The following KIF26B variants were observed in gnomAD, a reference collection of about 807,000 sequenced individuals.
KIF26B encodes kinesin family member 26B.
A neutral mutation model predicts 151.2 loss-of-function variants in KIF26B; 63 were observed. The ratio of observed to expected loss-of-function variants is 0.42; its 90% CI spans 0.34 to 0.51. KIF26B has a LOEUF of 0.51. KIF26B is among the 20% of genes least tolerant of loss of function. KIF26B has a pLI of 0.07. For missense variants in KIF26B, 2,813 were observed against 2,913.6 expected, an observed-to-expected ratio of 0.97 and a Z score of 0.79; for synonymous variants, 1,357 against 1,262.1, an observed-to-expected ratio of 1.08 and a Z score of -1.59.
intron 9 of KIF26B, among the ~76,000 whole-genome samples, chr1:245,613,218 A>T (rs1224331051): frequency 6.6e-6 from 1 of 152,204 alleles, no homozygotes; most frequent in Non-Finnish European, 1.5e-5. Context: ...AAACTGAGTT[A>T]AGAGTCTAAC....
chr1:245,707,230 G>A lies in KIF26B; in HGVS notation c.*4624G>A, dbSNP rs186977750. On this transcript the variant is annotated 3_prime_UTR_variant, in exon 15 of 15. Transcript: ENST00000407071. ...CAGCAATGTCATAACACTGGACACAGTGCGGCTTGGGGCAGTATCAAGCCT... is the reference window on the plus strand; with the variant it reads ...CAGCAATGTCATAACACTGGACACAATGCGGCTTGGGGCAGTATCAAGCCT... 2.2e-4 allele frequency: 34 copies of A among 152,328 alleles called. No individual in the cohort carries two copies. Among genetic ancestry groups the A allele is most frequent in the African/African-American group, 8.2e-4 (34 of 41,574 alleles). The allele number at this position is 152,328 out of a possible 1,614,324, so 9.4% of individuals were successfully genotyped here. A position where few individuals can be genotyped will look rare whatever the true frequency, so the allele number is the denominator to read the frequency against.
intron 10 of KIF26B, among the ~76,000 whole-genome samples, chr1:245,652,240 T>C (rs2044027709): frequency 6.6e-6 from 1 of 152,026 alleles, no homozygotes; most frequent in Non-Finnish European, 1.5e-5. Context: ...TTTAGAACTA[T>C]TTGCACAAAC....
At chr1:245,331,875 C>G (rs1420611782) in intron 2 of KIF26B, among the ~76,000 whole-genome samples, 1 of 151,686 alleles carries the variant, frequency 6.6e-6, no homozygotes, top group Non-Finnish European at 1.5e-5. Flanking sequence ...GCCTGTAATC[C>G]CAGCACTTTG....
chr1:245,618,888 T>C (rs1771516), intron 9 of KIF26B, among the ~76,000 whole-genome samples: 27 of 130,306 alleles, frequency 2.1e-4, no homozygotes, highest in African/African-American at 8.3e-4. Flanking sequence ...GGGCTGTGTC[T>C]GCTGCGTGCT....
In KIF26B at chr1:245,665,890, G is replaced by T. The variant is rs183280525; in HGVS notation, c.2259-18343G>T. Among the ~76,000 whole-genome samples the T allele has an allele frequency of 4.4e-4, 66 of 151,538 alleles. No individual in the cohort carries two copies. The East Asian group carries it at 0.012, about 27-fold the overall frequency. On this transcript the variant is annotated intron_variant, in intron 10 of 14. Transcript: ENST00000407071. Reference sequence around the variant, plus strand: ...GGTAGAGCTGGGGTTTCACCATGTTGCCCAGGCTGGTCTCAAACTCCTGAC... The same window carrying T: ...GGTAGAGCTGGGGTTTCACCATGTTTCCCAGGCTGGTCTCAAACTCCTGAC...
intron 4 of KIF26B, among the ~76,000 whole-genome samples, chr1:245,439,553 G>C (rs532993656): frequency 2.2e-4 from 34 of 152,076 alleles, no homozygotes; most frequent in African/African-American, 7.5e-4. Flanking sequence ...TTCCCCCAAG[G>C]GCTCAAGATA....
intron 2 of KIF26B, among the ~76,000 whole-genome samples, chr1:245,303,365 A>T (rs1049459843): frequency 2.0e-5 from 3 of 150,102 alleles, no homozygotes; most frequent in East Asian, 2.0e-4. Context: ...CGCCCGGCTA[A>T]TTTTTTGTAT....
At position 245,670,490 on chromosome 1, in the gene KIF26B, TCA is replaced by T. The variant is rs527311558; in HGVS notation, c.2259-13742_2259-13741del. 1.7e-3 allele frequency among the ~76,000 whole-genome samples: 217 copies of T among 130,328 alleles called. 1 individual carries two copies. Among genetic ancestry groups the T allele is most frequent in the African/African-American group, 6.2e-3 (204 of 32,980 alleles). The allele number at this position is 130,328 out of a possible 152,430, so 85.5% of individuals were successfully genotyped here. ...ACACACCTGTCACCTGTCCTAGTTA[TCA>T]TTTTTTTTTGTATTGTAGTGAAATA... is the stretch of plus-strand genomic sequence containing the variant. On this transcript the variant is annotated intron_variant, in intron 10 of 14. Coordinates refer to ENST00000407071, the MANE Select transcript of KIF26B (RefSeq NM_018012.4).
chr1:245,442,318 C>A (rs561699189), intron 4 of KIF26B, among the ~76,000 whole-genome samples: 4 of 152,170 alleles, frequency 2.6e-5, no homozygotes, highest in African/African-American at 7.2e-5. Flanking sequence ...CTTCTTATAC[C>A]GGGTGTTCAG....
chr1:245,679,030 G>A (rs2044393829), intron 10 of KIF26B, among the ~76,000 whole-genome samples: 2 of 152,228 alleles, frequency 1.3e-5, no homozygotes, highest in African/African-American at 4.8e-5. Context: ...TCTGCTTGGT[G>A]GTTCAGTGTC....
At chr1:245,171,309 C>T (rs533922781) in intron 2 of KIF26B, among the ~76,000 whole-genome samples, 2 of 152,250 alleles carry the variant, frequency 1.3e-5, no homozygotes, top group East Asian at 1.9e-4. Context: ...TTTGGGAGGC[C>T]AAGGCGGGCG....
chr1:245,188,261 G>C (rs1002711549), intron 2 of KIF26B, among the ~76,000 whole-genome samples: 4 of 97,582 alleles, frequency 4.1e-5, no homozygotes, highest in Non-Finnish European at 7.4e-5. Flanking sequence ...GTCTGGGCAA[G>C]AAGAGTGAAA....
chr1:245,386,207 C>T (rs1673540191), intron 3 of KIF26B, among the ~76,000 whole-genome samples: 1 of 151,968 alleles, frequency 6.6e-6, no homozygotes, highest in Non-Finnish European at 1.5e-5. Flanking sequence ...TGCCATTGCA[C>T]TCCAGCCTGG....
At chr1:245,403,020 G>A (rs538320016) in intron 3 of KIF26B, among the ~76,000 whole-genome samples, 2 of 152,282 alleles carry the variant, frequency 1.3e-5, no homozygotes, top group South Asian at 2.1e-4. Flanking sequence ...CCATGCTGGA[G>A]TGCAGAGGTG....
At chr1:245,459,634 A>G (rs917617263) in intron 4 of KIF26B, among the ~76,000 whole-genome samples, 3 of 152,164 alleles carry the variant, frequency 2.0e-5, no homozygotes, top group African/African-American at 7.2e-5. Context: ...GGTATGACCG[A>G]GGTGTGAAGA....
At chr1:245,196,273 T>A (rs1018863040) in intron 2 of KIF26B, among the ~76,000 whole-genome samples, 1 of 152,182 alleles carries the variant, frequency 6.6e-6, no homozygotes, top group African/African-American at 2.4e-5. Context: ...TTGCAATGAT[T>A]AGGATGACAG....
intron 9 of KIF26B, among the ~76,000 whole-genome samples, chr1:245,639,104 C>T (rs2043862185): frequency 6.6e-6 from 1 of 151,818 alleles, no homozygotes; most frequent in African/African-American, 2.4e-5. Context: ...CATCAGTTCC[C>T]TGGCTTCTCT....
chr1:245,692,756 C>T (rs540716419), intron 12 of KIF26B, among the ~76,000 whole-genome samples: 2 of 152,298 alleles, frequency 1.3e-5, no homozygotes, highest in South Asian at 2.1e-4. Flanking sequence ...GGAGTCATTA[C>T]AGGCTCTTGA....
chr1:245,533,373 C>A (rs1421828700), intron 4 of KIF26B, among the ~76,000 whole-genome samples: 8 of 152,090 alleles, frequency 5.3e-5, no homozygotes, highest in Non-Finnish European at 8.8e-5. Context: ...GATATCTCAC[C>A]CATCAATTAC....
Sources: allele counts gnomAD v4.1 joint callset (sites outside exome capture counted in the v4.1 genomes callset), GRCh38; gene constraint gnomAD v4.1.1; transcripts MANE v1.5; gene names NCBI Gene and HGNC (gene_info 2026-07-23, HGNC 2026-07-21).